The following CCDC178 variants were observed in gnomAD, a reference collection of about 807,000 sequenced individuals.
CCDC178 encodes the protein coiled-coil domain-containing protein 178.
Under a neutral mutation model 117.4 loss-of-function variants are expected in CCDC178, and 126 were observed. The ratio of observed to expected loss-of-function variants is 1.07; its 90% CI spans 0.93 to 1.24. The LOEUF (loss-of-function observed/expected upper bound fraction) is 1.24, where lower values mean the gene tolerates loss of function less well. Among genes scored for constraint, CCDC178 ranks in the 50% most tolerant of loss-of-function variants. The probability of loss-of-function intolerance (pLI) is 0.00; values close to 1 mark genes in which losing one functional copy is unlikely to be tolerated. For synonymous variants in CCDC178, 283 were observed against 313.4 expected (o/e 0.90, Z 1.02); for missense variants, 1,030 against 986.9 (o/e 1.04, Z -0.59).
intron 2 of CCDC178, among the ~76,000 whole-genome samples, chr18:33,413,267 T>G (rs1599289788): frequency 6.6e-6 from 1 of 152,122 alleles, no homozygotes; most frequent in African/African-American, 2.4e-5. Context: ...AAGAAAACCC[T>G]AAATCCAAGC....
intron 12 of CCDC178, among the ~76,000 whole-genome samples, chr18:33,278,590 AT>A (rs1198549217): frequency 5.3e-5 from 8 of 152,230 alleles, no homozygotes; most frequent in African/African-American, 1.7e-4. Context: ...ATTCTATCAT[AT>A]ACAAAACAAA....
intron 21 of CCDC178, 98 bp from the exon 22 acceptor site, chr18:32,974,779 G>C: frequency 6.6e-6 from 8 of 1,203,720 alleles, no homozygotes; most frequent in Non-Finnish European, 9.4e-6. Context: ...ATAGAAAGCA[G>C]TCAATAGCCC....
chr18:33,289,827 T>C (rs987565333), intron 12 of CCDC178, among the ~76,000 whole-genome samples: 5 of 152,090 alleles, frequency 3.3e-5, no homozygotes, highest in African/African-American at 9.7e-5. Flanking sequence ...ATTGAATATA[T>C]GTCAGGAGAG....
intron 6 of CCDC178, among the ~76,000 whole-genome samples, chr18:33,367,606 A>G (rs1382915560): frequency 2.6e-5 from 4 of 151,900 alleles, no homozygotes; most frequent in African/African-American, 9.7e-5. Context: ...GGTTAGTCAG[A>G]AAAAATTTTT....
chr18:33,327,364 T>G (rs1252564785), intron 10 of CCDC178, among the ~76,000 whole-genome samples: 1 of 152,236 alleles, frequency 6.6e-6, no homozygotes, highest in East Asian at 1.9e-4. Flanking sequence ...TTGGGCTGTT[T>G]CTTTTGGTTA....
intron 22 of CCDC178, among the ~76,000 whole-genome samples, chr18:32,940,932 G>A (rs977859697): frequency 6.6e-6 from 1 of 151,960 alleles, no homozygotes; most frequent in African/African-American, 2.4e-5. Flanking sequence ...AGGTGCTCTG[G>A]GGAGACATAG....
chr18:33,196,642 C>T (rs2058933842), intron 20 of CCDC178, among the ~76,000 whole-genome samples: 1 of 151,938 alleles, frequency 6.6e-6, no homozygotes, highest in African/African-American at 2.4e-5. Context: ...GGGTACAGGG[C>T]CTACCACATG....
chr18:33,035,604 G>A (rs183039547), intron 21 of CCDC178, among the ~76,000 whole-genome samples: 10 of 152,034 alleles, frequency 6.6e-5, no homozygotes, highest in East Asian at 5.8e-4. Context: ...AATGTGTTTC[G>A]CAGGGGCTGG....
At chr18:33,420,087 T>G (rs2064003493) in intron 2 of CCDC178, among the ~76,000 whole-genome samples, 1 of 152,060 alleles carries the variant, frequency 6.6e-6, no homozygotes, top group Non-Finnish European at 1.5e-5. Context: ...ACATGGAATG[T>G]TTACACCATG....
intron 20 of CCDC178, among the ~76,000 whole-genome samples, chr18:33,153,136 TTATA>T (rs10604490): frequency 6.2e-5 from 9 of 144,264 alleles, no homozygotes; most frequent in East Asian, 4.0e-4. Flanking sequence ...TGAGTGACAA[TTATA>T]TATATATATA....
intron 21 of CCDC178, among the ~76,000 whole-genome samples, chr18:33,007,267 T>C (rs760586079): frequency 2.0e-5 from 3 of 152,050 alleles, no homozygotes; most frequent in African/African-American, 7.2e-5. Flanking sequence ...CAGAAAGTTA[T>C]AGTTGTAACA....
intron 2 of CCDC178, among the ~76,000 whole-genome samples, chr18:33,431,191 C>CTTTT (rs35139388): frequency 4.3e-5 from 5 of 117,242 alleles, no homozygotes; most frequent in African/African-American, 1.3e-4. Flanking sequence ...AATGATTTAA[C>CTTTT]TTTTTTTTTT....
intron 21 of CCDC178, among the ~76,000 whole-genome samples, chr18:33,084,400 A>G (rs758761140): frequency 6.6e-6 from 1 of 152,152 alleles, no homozygotes; most frequent in Non-Finnish European, 1.5e-5. Flanking sequence ...TTCTTTTATG[A>G]AGATTACAAT....
At chr18:33,385,920 C>G (rs1001965685) in intron 5 of CCDC178, among the ~76,000 whole-genome samples, 7 of 151,900 alleles carry the variant, frequency 4.6e-5, no homozygotes, top group South Asian at 2.1e-4. Flanking sequence ...AATCCAGGAG[C>G]TATTTTTTTA....
chr18:33,182,180 C>G (rs947792724), intron 20 of CCDC178, among the ~76,000 whole-genome samples: 4 of 151,816 alleles, frequency 2.6e-5, no homozygotes, highest in Non-Finnish European at 4.4e-5. Context: ...TAATACATAA[C>G]CTGAAATATC....
At chr18:32,940,225 A>G in intron 22 of CCDC178, among the ~76,000 whole-genome samples, 1 of 152,188 alleles carries the variant, frequency 6.6e-6, no homozygotes, top group East Asian at 1.9e-4. Context: ...GAAAAAGAAG[A>G]AGCCCCTTTT....
intron 11 of CCDC178, among the ~76,000 whole-genome samples, chr18:33,313,668 G>C (rs1238715433): frequency 6.6e-6 from 1 of 152,124 alleles, no homozygotes; most frequent in African/African-American, 2.4e-5. Flanking sequence ...AGCTCTCAGG[G>C]AGCTAATCAA....
chr18:33,041,712 T>G (rs1172670794), intron 21 of CCDC178, among the ~76,000 whole-genome samples: 1 of 151,666 alleles, frequency 6.6e-6, no homozygotes, highest in African/African-American at 2.4e-5. Flanking sequence ...TACTTAAAAA[T>G]TTTAGACACA....
intron 22 of CCDC178, among the ~76,000 whole-genome samples, chr18:32,940,698 CCA>C (rs2054219167): frequency 6.6e-6 from 1 of 151,874 alleles, no homozygotes; most frequent in Non-Finnish European, 1.5e-5. Flanking sequence ...CAAGTAGACC[CCA>C]GTGTCTGTTG....
Sources: allele counts gnomAD v4.1 joint callset (sites outside exome capture counted in the v4.1 genomes callset), GRCh38; gene constraint gnomAD v4.1.1; transcripts MANE v1.5; gene names NCBI Gene and HGNC (gene_info 2026-07-23, HGNC 2026-07-21).